Variants in CC2D2A observed in about 807,000 individuals in gnomAD.
The protein encoded by CC2D2A is coiled-coil and C2 domain containing 2A.
CC2D2A carries 155 observed loss-of-function variants against 212.9 expected under a neutral mutation model. That is an observed-to-expected ratio of 0.73 (90% CI 0.64 to 0.83). The LOEUF (loss-of-function observed/expected upper bound fraction) is 0.83, where lower values mean the gene tolerates loss of function less well. Ranked by LOEUF, CC2D2A falls within the 40% of genes least tolerant of loss-of-function variation. The probability of loss-of-function intolerance (pLI) is 0.00; values close to 1 mark genes in which losing one functional copy is unlikely to be tolerated. For synonymous variants in CC2D2A, 667 were observed against 686.5 expected (o/e 0.97, Z 0.44); for missense variants, 1,856 against 1,956.2 (o/e 0.95, Z 0.97).
At chr4:15,566,552 G>C (rs949221888) in intron 24 of CC2D2A, among the ~76,000 whole-genome samples, 1 of 152,070 alleles carries the variant, frequency 6.6e-6, no homozygotes, top group Non-Finnish European at 1.5e-5. Flanking sequence ...AGTTGGGGAA[G>C]GCTCTAGCAA....
At chr4:15,520,353 G>T (rs1023278649) in intron 11 of CC2D2A, among the ~76,000 whole-genome samples, 1 of 152,120 alleles carries the variant, frequency 6.6e-6, no homozygotes, top group Non-Finnish European at 1.5e-5. Flanking sequence ...GGAATTTATC[G>T]TCTATTTGGT....
chr4:15,580,941 C>T (rs1720634576), intron 30 of CC2D2A, among the ~76,000 whole-genome samples: 1 of 152,150 alleles, frequency 6.6e-6, no homozygotes, highest in Non-Finnish European at 1.5e-5. Flanking sequence ...GACCATCATT[C>T]CAAAGTACTT....
intron 29 of CC2D2A, among the ~76,000 whole-genome samples, chr4:15,575,467 T>C (rs1054800359): frequency 2.6e-5 from 4 of 152,182 alleles, no homozygotes; most frequent in Admixed American, 1.3e-4. Flanking sequence ...CAAGCTTACA[T>C]TCACATGTAA....
chr4:15,529,974 T>C (rs1717743366), intron 13 of CC2D2A, among the ~76,000 whole-genome samples: 1 of 147,712 alleles, frequency 6.8e-6, no homozygotes, highest in Non-Finnish European at 1.5e-5. Flanking sequence ...TTCTTTTTTA[T>C]TTTTATTTTT....
intron 17 of CC2D2A, among the ~76,000 whole-genome samples, chr4:15,549,324 C>T (rs1413404420): frequency 6.6e-6 from 1 of 152,172 alleles, no homozygotes; most frequent in Non-Finnish European, 1.5e-5. Flanking sequence ...TTACGGGCTT[C>T]CTGCTGAACT....
chr4:15,592,354 A>C (rs561971408), intron 33 of CC2D2A, among the ~76,000 whole-genome samples: 2 of 152,162 alleles, frequency 1.3e-5, no homozygotes, highest in South Asian at 4.1e-4. Context: ...TCTTGCTTTC[A>C]CTTTATAAGC....
intron 4 of CC2D2A, among the ~76,000 whole-genome samples, chr4:15,482,724 C>T (rs1335051636): frequency 6.6e-6 from 1 of 152,132 alleles, no homozygotes; most frequent in East Asian, 1.9e-4. Context: ...AGCACAACTA[C>T]TGGATATTTA....
intron 24 of CC2D2A, among the ~76,000 whole-genome samples, chr4:15,565,671 A>G (rs1454213897): frequency 6.6e-6 from 1 of 152,098 alleles, no homozygotes; most frequent in Non-Finnish European, 1.5e-5. Flanking sequence ...GCAGTGGTGC[A>G]ATCACAGCTT....
At chr4:15,570,599 A>T (rs1720113751) in intron 28 of CC2D2A, 103 bp downstream of exon 28, 3 of 717,648 alleles carry the variant, frequency 4.2e-6, no homozygotes, top group Middle Eastern at 2.8e-4. Flanking sequence ...TCATGCCTGT[A>T]ATCCCAGCAC....
At position 15,597,393 on chromosome 4, in the gene CC2D2A, TTTCTC is replaced by T. The variant is rs1264224005; in HGVS notation, c.4438-9_4438-5del. On this transcript the variant is annotated splice_polypyrimidine_tract_variant and intron_variant, in intron 34 of 36. Coordinates refer to ENST00000424120, the MANE Select transcript of CC2D2A (RefSeq NM_001378615.1). ...GTGATTTTTATACTTTCTGAACTAT[TTTCTC>T]TTCTATAGCCTGAAGAGCTAATTTA... is the stretch of plus-strand genomic sequence containing the variant. 4.5e-6 allele frequency: 7 copies of T among 1,542,996 alleles called. No individual in the cohort carries two copies. In the East Asian group the frequency reaches 1.2e-4, roughly 27 times the overall value.
intron 4 of CC2D2A, among the ~76,000 whole-genome samples, chr4:15,484,646 T>C (rs1019941496): frequency 2.6e-5 from 4 of 152,148 alleles, no homozygotes; most frequent in Non-Finnish European, 5.9e-5. Context: ...ATTTCTCGAT[T>C]GAACAAGAAT....
At chr4:15,525,052 A>G (rs1254775039) in intron 11 of CC2D2A, among the ~76,000 whole-genome samples, 1 of 152,198 alleles carries the variant, frequency 6.6e-6, no homozygotes, top group East Asian at 1.9e-4. Context: ...AGTTAGCCCA[A>G]TGACTACTAA....
rs1156633769 is a variant in CC2D2A at position 15,513,662 on chromosome 4, CT to C, written c.718-1044del. On this transcript the variant is annotated intron_variant, in intron 8 of 36. Coordinates refer to ENST00000424120, the MANE Select transcript of CC2D2A (RefSeq NM_001378615.1). ...TTTAGATCCTCTGTAGCCCCTTTCG[CT>C]AGCTCCCCTTTTCTGTCTTCTCTGC... 2.0e-5 allele frequency among the ~76,000 whole-genome samples: 3 copies of C among 152,344 alleles called. No homozygotes were observed. The East Asian group carries it at 5.8e-4, about 29-fold the overall frequency.
chr4:15,470,683 CTCTCTCTATATATATATATA>C (rs1368442355), intron 1 of CC2D2A, among the ~76,000 whole-genome samples: 616 of 54,040 alleles, frequency 0.011, 1 homozygote, highest in Admixed American at 0.019. Flanking sequence ...CTCTCTCTCT[CTCTCTCTATATATATATATA>C]TATATATATA....
chr4:15,567,900 A>G, intron 26 of CC2D2A, 114 bp downstream of exon 26: 1 of 698,660 alleles, frequency 1.4e-6, no homozygotes, highest in South Asian at 1.9e-5. Flanking sequence ...AGCGGCAACA[A>G]GATCCAGGTG....
At chr4:15,552,858 C>T (rs956370332) in intron 18 of CC2D2A, among the ~76,000 whole-genome samples, 2 of 152,218 alleles carry the variant, frequency 1.3e-5, no homozygotes, top group African/African-American at 4.8e-5. Context: ...CTGATTTATA[C>T]ATTAAAAACT....
intron 28 of CC2D2A, among the ~76,000 whole-genome samples, 189 bp from the exon 29 acceptor site, chr4:15,573,961 A>C (rs1011425920): frequency 6.6e-6 from 1 of 152,356 alleles, no homozygotes; most frequent in South Asian, 2.1e-4. Context: ...AATGAAAAGA[A>C]GGCAAGGAAG....
At chr4:15,501,156 C>T (rs915790113) in intron 4 of CC2D2A, among the ~76,000 whole-genome samples, 1 of 152,142 alleles carries the variant, frequency 6.6e-6, no homozygotes, top group African/African-American at 2.4e-5. Context: ...CTGGGCTGTA[C>T]CTCCAGGTTT....
intron 14 of CC2D2A, among the ~76,000 whole-genome samples, chr4:15,535,365 T>G (rs1718070947): frequency 6.6e-6 from 1 of 151,962 alleles, no homozygotes. Context: ...CTCCCCTCCT[T>G]CTTTTTGAGT....
Sources: allele counts gnomAD v4.1 joint callset (sites outside exome capture counted in the v4.1 genomes callset), GRCh38; gene constraint gnomAD v4.1.1; transcripts MANE v1.5; gene names NCBI Gene and HGNC (gene_info 2026-07-23, HGNC 2026-07-21).